The following PKNOX2 variants were observed in gnomAD, a reference collection of about 807,000 sequenced individuals.
PKNOX2 encodes the protein homeobox protein PKNOX2.
Under a neutral mutation model 53.1 loss-of-function variants are expected in PKNOX2, and 14 were observed. That is an observed-to-expected ratio of 0.26 (90% CI 0.17 to 0.41). The LOEUF is 0.41. Ranked by LOEUF, PKNOX2 falls within the 10% of genes least tolerant of loss-of-function variation. The pLI is 1.00. For synonymous variants in PKNOX2, 257 were observed against 242.8 expected, an observed-to-expected ratio of 1.06 and a Z score of -0.54; for missense variants, 496 against 602.8, an observed-to-expected ratio of 0.82 and a Z score of 1.85.
chr11:125,201,836 A>G (rs987874650), intron 1 of PKNOX2, among the ~76,000 whole-genome samples: 1 of 151,998 alleles, frequency 6.6e-6, no homozygotes, highest in African/African-American at 2.4e-5. Flanking sequence ...CTGGGTAGGC[A>G]TTTCCCCCAA....
intron 1 of PKNOX2, among the ~76,000 whole-genome samples, chr11:125,215,294 G>A (rs1283660740): frequency 6.6e-6 from 1 of 152,036 alleles, no homozygotes; most frequent in Non-Finnish European, 1.5e-5. Flanking sequence ...CCATGGAGAG[G>A]GCTCAGGACT....
intron 2 of PKNOX2, among the ~76,000 whole-genome samples, chr11:125,266,223 G>C: frequency 6.6e-6 from 1 of 152,214 alleles, no homozygotes; most frequent in Non-Finnish European, 1.5e-5. Context: ...TCAGTGGTAA[G>C]ATTTCTCTGA....
At chr11:125,389,854 C>T (rs1953922297) in intron 6 of PKNOX2, among the ~76,000 whole-genome samples, 1 of 151,980 alleles carries the variant, frequency 6.6e-6, no homozygotes, top group Admixed American at 6.5e-5. Flanking sequence ...TCTGGTGTGG[C>T]TCGAGGGACA....
intron 7 of PKNOX2, among the ~76,000 whole-genome samples, chr11:125,409,203 T>C (rs1172601192): frequency 1.3e-5 from 2 of 152,072 alleles, no homozygotes; most frequent in African/African-American, 4.8e-5. Context: ...ACAAATTCTC[T>C]CCAAGCACCC....
intron 2 of PKNOX2, among the ~76,000 whole-genome samples, chr11:125,294,276 T>C (rs960397986): frequency 2.0e-5 from 3 of 152,148 alleles, no homozygotes; most frequent in Non-Finnish European, 2.9e-5. Flanking sequence ...GGTATCTCCT[T>C]TGGGACACCC....
intron 2 of PKNOX2, among the ~76,000 whole-genome samples, chr11:125,293,660 CAG>C (rs1018096491): frequency 7.2e-5 from 11 of 152,160 alleles, no homozygotes; most frequent in African/African-American, 2.7e-4. Flanking sequence ...TCTTTAAACT[CAG>C]GGAAGAATCA....
At chr11:125,419,984 G>A (rs1264001025) in intron 10 of PKNOX2, among the ~76,000 whole-genome samples, 3 of 151,028 alleles carry the variant, frequency 2.0e-5, no homozygotes, top group African/African-American at 4.9e-5. Context: ...CTAAGAATTC[G>A]AGACCAGCCT....
chr11:125,340,442 C>T (rs1165537851), intron 3 of PKNOX2, among the ~76,000 whole-genome samples: 5 of 152,218 alleles, frequency 3.3e-5, no homozygotes. Flanking sequence ...AACCTGCAGA[C>T]TCTGGGATCA....
intron 2 of PKNOX2, among the ~76,000 whole-genome samples, chr11:125,315,055 C>CGAG (rs1949072965): frequency 6.6e-6 from 1 of 152,102 alleles, no homozygotes; most frequent in Non-Finnish European, 1.5e-5. Context: ...AAGGCCCTCT[C>CGAG]CGGCCCTTGG....
chr11:125,259,170 T>G (rs1190356943), intron 2 of PKNOX2: 4 of 153,006 alleles, frequency 2.6e-5, no homozygotes, highest in Admixed American at 6.5e-5. Context: ...TTCTGGAGGT[T>G]CTTCAAAATC....
intron 1 of PKNOX2, among the ~76,000 whole-genome samples, chr11:125,179,613 T>C (rs1956040302): frequency 6.6e-6 from 1 of 151,830 alleles, no homozygotes; most frequent in Non-Finnish European, 1.5e-5. Context: ...GAGCTGTGCC[T>C]CAGAGGAGCT....
rs1223050221 is a variant in PKNOX2, at chr11:125,206,305, C to T, written c.-200-28740C>T. The stretch of plus-strand genomic sequence containing the variant: ...GGTTGGCAGGAACCAGCCCTGGTGC[C>T]GTCTAACCTGACTTGAGCAGAGAGT... On this transcript the variant is annotated intron_variant, in intron 1 of 12. Transcript: ENST00000298282. Among the ~76,000 whole-genome samples, 5 of 151,924 alleles carry T rather than the reference C, an allele frequency of 3.3e-5. 1 individual carries two copies. The highest frequency in any genetic ancestry group is 2.1e-4 in the South Asian group (1 of 4,804).
At chr11:125,415,276 A>C (rs1591564627) in intron 10 of PKNOX2, among the ~76,000 whole-genome samples, 1 of 119,466 alleles carries the variant, frequency 8.4e-6, no homozygotes, top group African/African-American at 3.4e-5. Flanking sequence ...GTACAGTCTC[A>C]CTCTGTTGCC....
chr11:125,199,199 C>G (rs754449042), intron 1 of PKNOX2, among the ~76,000 whole-genome samples: 15 of 152,102 alleles, frequency 9.9e-5, no homozygotes, highest in South Asian at 2.1e-4. Flanking sequence ...CAGCCCAGCC[C>G]CAGGTGGCAT....
chr11:125,263,226 G>A (rs1450535260), intron 2 of PKNOX2, among the ~76,000 whole-genome samples: 2 of 152,326 alleles, frequency 1.3e-5, no homozygotes, highest in South Asian at 2.1e-4. Context: ...ACATGCCTCG[G>A]TTCATAAAGG....
chr11:125,363,903 C>T, intron 4 of PKNOX2, among the ~76,000 whole-genome samples: 1 of 152,198 alleles, frequency 6.6e-6, no homozygotes, highest in East Asian at 1.9e-4. Flanking sequence ...TTGCCAATTT[C>T]CATGGTGTAA....
At chr11:125,334,312 T>C (rs1290364630) in intron 3 of PKNOX2, among the ~76,000 whole-genome samples, 1 of 152,178 alleles carries the variant, frequency 6.6e-6, no homozygotes, top group Non-Finnish European at 1.5e-5. Flanking sequence ...AACATAAACC[T>C]TAGTTCTCAA....
intron 2 of PKNOX2, among the ~76,000 whole-genome samples, chr11:125,328,488 T>A (rs1054311109): frequency 6.6e-6 from 1 of 151,116 alleles, no homozygotes; most frequent in Non-Finnish European, 1.5e-5. Context: ...GGGACTAAAT[T>A]GAAGCAATTT....
intron 3 of PKNOX2, among the ~76,000 whole-genome samples, chr11:125,333,714 T>G (rs970910405): frequency 6.6e-6 from 1 of 152,184 alleles, no homozygotes; most frequent in East Asian, 1.9e-4. Context: ...AGTGTGGCAA[T>G]CAGAGAAGCT....
Sources: allele counts gnomAD v4.1 joint callset (sites outside exome capture counted in the v4.1 genomes callset), GRCh38; gene constraint gnomAD v4.1.1; transcripts MANE v1.5; gene names NCBI Gene and HGNC (gene_info 2026-07-23, HGNC 2026-07-21).